PDGFC: variants seen among roughly 807,000 people sequenced by gnomAD.
PDGFC encodes the protein platelet derived growth factor C.
PDGFC carries 12 observed loss-of-function variants against 35.5 expected under a neutral mutation model. The ratio of observed to expected loss-of-function variants is 0.34; its 90% CI spans 0.22 to 0.55. PDGFC has a LOEUF of 0.55. PDGFC is among the 20% of genes least tolerant of loss of function. The pLI is 0.91. For synonymous variants in PDGFC, 159 were observed against 148.8 expected, an observed-to-expected ratio of 1.07 and a Z score of -0.50; for missense variants, 322 against 412.4, an observed-to-expected ratio of 0.78 and a Z score of 1.90.
intron 1 of PDGFC, among the ~76,000 whole-genome samples, chr4:156,921,319 AG>A (rs746012286): frequency 2.6e-5 from 4 of 152,158 alleles, no homozygotes; most frequent in Non-Finnish European, 5.9e-5. Flanking sequence ...TCATGTATTC[AG>A]AACAACAGAT....
chr4:156,956,291 CAACA>C lies in PDGFC; in HGVS notation c.118+14491_118+14494del. Among the ~76,000 whole-genome samples, 4 of 152,126 alleles carry C rather than the reference CAACA, an allele frequency of 2.6e-5. 1 individual carries two copies. The highest frequency in any genetic ancestry group is 2.6e-4 in the Admixed American group (4 of 15,264). On this transcript the variant is annotated intron_variant, in intron 1 of 5. Transcript: ENST00000502773. ...GTGACAGCACAGTAGCCATGGAGAA[CAACA>C]ATGTAGACTTTCCTTACTCAAAGTT... is the stretch of plus-strand genomic sequence containing the variant.
chr4:156,918,256 G>A (rs757443747), intron 1 of PDGFC, among the ~76,000 whole-genome samples: 1 of 152,070 alleles, frequency 6.6e-6, no homozygotes. Context: ...TTCTCACTCA[G>A]TATCATTTTC....
At chr4:156,864,703 C>T (rs1729793042) in intron 1 of PDGFC, among the ~76,000 whole-genome samples, 1 of 152,052 alleles carries the variant, frequency 6.6e-6, no homozygotes, top group African/African-American at 2.4e-5. Flanking sequence ...TGATAAAGAG[C>T]ATGCCAGTAA....
chr4:156,970,998 G>C lies in PDGFC; in HGVS notation c.-95C>G. ...CCACCGCCAGGGGAAGGCTGCACTG[G>C]GGTGGAAGCGCCGAGCCTGCTCTGG... On this transcript the variant is annotated 5_prime_UTR_variant, in exon 1 of 6. Transcript: ENST00000502773. 1 of 758,558 alleles carries C rather than the reference G, an allele frequency of 1.3e-6. No individual in the cohort carries two copies. The highest frequency in any genetic ancestry group is 1.5e-5 in the South Asian group (1 of 64,582). The allele number at this position is 758,558 out of a possible 1,614,324, so 47.0% of individuals were successfully genotyped here.
intron 1 of PDGFC, among the ~76,000 whole-genome samples, chr4:156,909,225 T>C (rs944092713): frequency 3.9e-5 from 6 of 152,218 alleles, no homozygotes; most frequent in Non-Finnish European, 8.8e-5. Flanking sequence ...TGTAATTGGA[T>C]ACTTTAAATG....
rs775910775 is a variant in PDGFC, at chr4:156,970,814, G to T, written c.90C>A (p.Phe30Leu). 11 of 1,612,490 alleles carry T rather than the reference G, an allele frequency of 6.8e-6. No homozygotes were observed. The South Asian group carries it at 1.1e-4, about 16-fold the overall frequency. Residue 30 changes from phenylalanine to leucine, a missense_variant, in exon 1 of 6, where the codon TTC (phenylalanine) becomes TTA (leucine). Phe to Leu is a conservative substitution (Grantham distance 22). Around this residue, in one of 2 missense-constraint regions of PDGFC, gnomAD observed 120 missense variants for 116.6 expected, o/e 1.03. Transcript: ENST00000502773. ...TCTGTTCCTTGTTGCTGGAAAACTG[G>T]AATTTACTACTCAGGTTGGATTCCG... ...TQAESNLSSK[F>L]QFSSNKEQNG...
intron 1 of PDGFC, among the ~76,000 whole-genome samples, chr4:156,957,715 G>T (rs1354140074): frequency 6.6e-6 from 1 of 151,964 alleles, no homozygotes; most frequent in African/African-American, 2.4e-5. Flanking sequence ...GGTGGATAAA[G>T]GAGCTCACAA....
chr4:156,814,293 C>T (rs141250237), intron 2 of PDGFC, among the ~76,000 whole-genome samples: 1 of 152,176 alleles, frequency 6.6e-6, no homozygotes, highest in African/African-American at 2.4e-5. Flanking sequence ...AGTAACATTT[C>T]AAGTGTGGGT....
chr4:156,900,484 G>A (rs1579087009), intron 1 of PDGFC, among the ~76,000 whole-genome samples: 1 of 152,244 alleles, frequency 6.6e-6, no homozygotes, highest in Non-Finnish European at 1.5e-5. Flanking sequence ...TAATAGGTAA[G>A]CCTGTGAGAT....
intron 3 of PDGFC, among the ~76,000 whole-genome samples, chr4:156,802,557 C>CACAT (rs1183914111): frequency 3.5e-5 from 2 of 56,408 alleles, no homozygotes; most frequent in Admixed American, 3.1e-4. Flanking sequence ...CACACACATA[C>CACAT]ACACACACAC....
intron 1 of PDGFC, among the ~76,000 whole-genome samples, chr4:156,923,468 T>C (rs1234650544): frequency 6.6e-6 from 1 of 152,252 alleles, no homozygotes; most frequent in Non-Finnish European, 1.5e-5. Context: ...ATGTGGTTAC[T>C]AATTACTTCA....
intron 1 of PDGFC, among the ~76,000 whole-genome samples, chr4:156,926,676 G>A (rs1476515818): frequency 2.6e-5 from 4 of 152,222 alleles, no homozygotes; most frequent in African/African-American, 9.7e-5. Context: ...CAAGAGGTAG[G>A]TTTCCCTGGT....
At chr4:156,914,581 C>T (rs950712706) in intron 1 of PDGFC, among the ~76,000 whole-genome samples, 1 of 152,184 alleles carries the variant, frequency 6.6e-6, no homozygotes. Flanking sequence ...ATAATTCAAC[C>T]TCCTTACTAA....
At chr4:156,774,069 C>T (rs914605949) in intron 3 of PDGFC, among the ~76,000 whole-genome samples, 1 of 152,096 alleles carries the variant, frequency 6.6e-6, no homozygotes, top group Admixed American at 6.5e-5. Context: ...GGTTAATCTA[C>T]TAAATAAGAT....
intron 1 of PDGFC, among the ~76,000 whole-genome samples, chr4:156,865,389 A>G (rs145204087): frequency 1.2e-4 from 18 of 152,330 alleles, no homozygotes; most frequent in African/African-American, 3.4e-4. Context: ...AAAATTATTA[A>G]CTTTTCTGGA....
At chr4:156,926,868 A>G (rs1731428454) in intron 1 of PDGFC, among the ~76,000 whole-genome samples, 1 of 152,120 alleles carries the variant, frequency 6.6e-6, no homozygotes, top group Admixed American at 6.5e-5. Context: ...GTGTCCCAGT[A>G]GGGACTCTGT....
intron 1 of PDGFC, among the ~76,000 whole-genome samples, chr4:156,960,706 T>G (rs1036894): frequency 0.021 from 3,227 of 152,026 alleles, 117 homozygotes; most frequent in African/African-American, 0.073. Context: ...GATCTATATT[T>G]TTCATACCAG....
intron 2 of PDGFC, among the ~76,000 whole-genome samples, chr4:156,834,798 T>C (rs919946896): frequency 1.3e-5 from 2 of 152,136 alleles, no homozygotes; most frequent in Non-Finnish European, 2.9e-5. Context: ...AAATGCATTA[T>C]GGGTAATAGA....
chr4:156,765,539 A>C (rs1449526797), intron 5 of PDGFC, among the ~76,000 whole-genome samples: 1 of 152,210 alleles, frequency 6.6e-6, no homozygotes, highest in Non-Finnish European at 1.5e-5. Context: ...GGGATTCAGC[A>C]CTAGAATCAG....
Sources: gnomAD v4.1 joint callset for allele counts (sites outside exome capture counted in the v4.1 genomes callset) on GRCh38, gnomAD v4.1.1 for gene constraint, gnomAD v4.1.1 regional missense constraint, MANE v1.5 for transcripts, NCBI Gene and HGNC (gene_info 2026-07-23, HGNC 2026-07-21) for gene names.